PTPRR: variants seen among roughly 807,000 people sequenced by gnomAD.
PTPRR encodes receptor-type tyrosine-protein phosphatase R.
Under a neutral mutation model 77.2 loss-of-function variants are expected in PTPRR, and 38 were observed. The ratio of observed to expected loss-of-function variants is 0.49; its 90% CI spans 0.38 to 0.65. PTPRR has a LOEUF of 0.65. Among genes scored for constraint, PTPRR ranks in the 30% least tolerant of loss-of-function variants. The pLI, the probability that PTPRR is intolerant of heterozygous loss-of-function variation, is 0.00. For synonymous variants in PTPRR, 299 were observed against 283.1 expected, an observed-to-expected ratio of 1.06 and a Z score of -0.57; for missense variants, 744 against 799.2, an observed-to-expected ratio of 0.93 and a Z score of 0.83.
intron 10 of PTPRR, chr12:70,672,134 G>A (rs1182789449): frequency 7.1e-7 from 1 of 1,413,956 alleles, no homozygotes; most frequent in Non-Finnish European, 9.9e-7. Context: ...CCTAGAGCAG[G>A]GAGAGGCCAT....
chr12:70,918,732 G>A (rs530713930), intron 1 of PTPRR, among the ~76,000 whole-genome samples: 1 of 152,212 alleles, frequency 6.6e-6, no homozygotes, highest in Non-Finnish European at 1.5e-5. Context: ...CACTGATATT[G>A]TTGGCAGACC....
At chr12:70,859,418 G>A (rs1035276760) in intron 2 of PTPRR, among the ~76,000 whole-genome samples, 1 of 151,992 alleles carries the variant, frequency 6.6e-6, no homozygotes, top group Non-Finnish European at 1.5e-5. Context: ...CCAAAGAGAA[G>A]TTGTTTGTTG....
chr12:70,817,103 C>T (rs957847666), intron 2 of PTPRR, among the ~76,000 whole-genome samples: 12 of 152,166 alleles, frequency 7.9e-5, no homozygotes, highest in African/African-American at 2.4e-4. Flanking sequence ...ATGTGTTATA[C>T]TTTTTAATTC....
intron 2 of PTPRR, among the ~76,000 whole-genome samples, chr12:70,814,534 C>G (rs1891865982): frequency 6.6e-6 from 1 of 152,158 alleles, no homozygotes; most frequent in Admixed American, 6.5e-5. Flanking sequence ...CAGGGAGGTC[C>G]CCAGCTTATA....
At chr12:70,705,024 T>G (rs191949584) in intron 6 of PTPRR, among the ~76,000 whole-genome samples, 279 of 152,082 alleles carry the variant, frequency 1.8e-3, no homozygotes, top group Non-Finnish European at 3.1e-3. Context: ...GGGAGGAAAT[T>G]CAAAAGATAC....
intron 2 of PTPRR, among the ~76,000 whole-genome samples, chr12:70,765,866 T>C (rs994878067): frequency 1.3e-5 from 2 of 152,286 alleles, no homozygotes; most frequent in African/African-American, 4.8e-5. Flanking sequence ...AAACATCTGG[T>C]GTTCTGCAGC....
intron 3 of PTPRR, 44 bp from the exon 4 acceptor site, chr12:70,761,670 C>A: frequency 7.0e-7 from 1 of 1,428,958 alleles, no homozygotes; most frequent in Non-Finnish European, 9.4e-7. Flanking sequence ...ACATTTTAAA[C>A]AACTTTGGAT....
At chr12:70,855,397 A>G (rs1423027510) in intron 2 of PTPRR, among the ~76,000 whole-genome samples, 1 of 152,174 alleles carries the variant, frequency 6.6e-6, no homozygotes, top group East Asian at 1.9e-4. Flanking sequence ...GAAGCCTGTT[A>G]AGGAAAAGCA....
intron 5 of PTPRR, among the ~76,000 whole-genome samples, chr12:70,746,498 T>C (rs1196457443): frequency 6.6e-6 from 1 of 152,122 alleles, no homozygotes; most frequent in Non-Finnish European, 1.5e-5. Context: ...AAAAAAGTAG[T>C]CTTGCAAGTA....
intron 2 of PTPRR, among the ~76,000 whole-genome samples, chr12:70,819,018 T>C (rs1175820370): frequency 6.6e-6 from 1 of 151,814 alleles, no homozygotes; most frequent in Admixed American, 6.6e-5. Context: ...AGGAGTAAAA[T>C]AGGGTAAAAA....
chr12:70,682,135 C>T (rs1887692622), intron 10 of PTPRR, among the ~76,000 whole-genome samples: 1 of 148,442 alleles, frequency 6.7e-6, no homozygotes, highest in Non-Finnish European at 1.5e-5. Context: ...GCTCCGCCTC[C>T]CGGGTTCACG....
intron 10 of PTPRR, among the ~76,000 whole-genome samples, chr12:70,662,838 T>C (rs1056448641): frequency 9.2e-5 from 14 of 151,898 alleles, no homozygotes; most frequent in African/African-American, 3.4e-4. Context: ...GTTTCATATG[T>C]GCCTATTAAA....
intron 2 of PTPRR, among the ~76,000 whole-genome samples, chr12:70,815,221 A>G (rs1278295561): frequency 6.6e-6 from 1 of 151,862 alleles, no homozygotes; most frequent in Non-Finnish European, 1.5e-5. Flanking sequence ...TTAACAGCTG[A>G]TTAGACACTG....
intron 2 of PTPRR, among the ~76,000 whole-genome samples, chr12:70,807,694 A>T (rs1049475366): frequency 2.6e-5 from 4 of 152,180 alleles, no homozygotes; most frequent in African/African-American, 9.7e-5. Context: ...TCTTTACTGC[A>T]ATCTCTGAAC....
intron 3 of PTPRR, among the ~76,000 whole-genome samples, chr12:70,761,891 C>T (rs1296866008): frequency 6.6e-6 from 1 of 152,170 alleles, no homozygotes; most frequent in Non-Finnish European, 1.5e-5. Context: ...CATGCTGATT[C>T]ATTTACCATT....
At chr12:70,899,680 A>G (rs1893498000) in intron 1 of PTPRR, among the ~76,000 whole-genome samples, 2 of 151,458 alleles carry the variant, frequency 1.3e-5, no homozygotes, top group South Asian at 4.1e-4. Flanking sequence ...TACCATTCCT[A>G]TATAACACTG....
At chr12:70,688,467 C>G (rs949203061) in intron 8 of PTPRR, among the ~76,000 whole-genome samples, 1 of 152,126 alleles carries the variant, frequency 6.6e-6, no homozygotes, top group African/African-American at 2.4e-5. Context: ...CTCAAATCAT[C>G]AGAGAAATGC....
Position 70,754,221 on chromosome 12 carries a change from G to A in PTPRR, c.708C>T (p.Ser236=). ...AACACGTTACTATAATAACAAAGAT[G>A]CTGAGAAAAATGACAACAGCATAAA... ...EGFYAVVIFL[S]IFVIIVTCLM... The change falls in exon 5 of 14, where the codon AGC becomes AGT. Residue 236 remains serine (S), a synonymous_variant. Transcript: ENST00000283228. 3.7e-6 allele frequency: 6 copies of A among 1,613,488 alleles called. No individual in the cohort carries two copies. The highest frequency in any genetic ancestry group is 5.1e-6 in the Non-Finnish European group (6 of 1,179,718).
chr12:70,840,632 A>C (rs1892380719), intron 2 of PTPRR, among the ~76,000 whole-genome samples: 1 of 152,154 alleles, frequency 6.6e-6, no homozygotes, highest in Non-Finnish European at 1.5e-5. Context: ...GGTTTAAGAG[A>C]GTGAACAACT....
Sources: allele counts gnomAD v4.1 joint callset (sites outside exome capture counted in the v4.1 genomes callset), GRCh38; gene constraint gnomAD v4.1.1; transcripts MANE v1.5; gene names NCBI Gene and HGNC (gene_info 2026-07-23, HGNC 2026-07-21).